Variants in SLC39A10 observed in about 807,000 individuals in gnomAD.
SLC39A10 encodes the protein solute carrier family 39 member 10.
Under a neutral mutation model 65.1 loss-of-function variants are expected in SLC39A10, and 13 were observed. That is an observed-to-expected ratio of 0.20 (90% confidence interval 0.13 to 0.32). SLC39A10 has a LOEUF of 0.32. Ranked by LOEUF, SLC39A10 falls within the 10% of genes least tolerant of loss-of-function variation. The pLI, the probability that SLC39A10 is intolerant of heterozygous loss-of-function variation, is 1.00. For synonymous variants in SLC39A10, 321 were observed against 342.2 expected (o/e 0.94, Z 0.68); for missense variants, 831 against 1,018.4 (o/e 0.82, Z 2.50).
At position 195,657,272 on chromosome 2, in the gene SLC39A10, C is replaced by T; in HGVS notation, c.-21C>T. The T allele has an allele frequency of 2.0e-6, 1 of 488,402 alleles. No individual in the cohort carries two copies. The highest frequency in any genetic ancestry group is 2.7e-6 in the Non-Finnish European group (1 of 375,832). The allele number at this position is 488,402 out of a possible 1,614,324, so 30.3% of individuals were successfully genotyped here. A position where few individuals can be genotyped will look rare whatever the true frequency, so the allele number is the denominator to read the frequency against. On this transcript the variant is annotated 5_prime_UTR_variant, in exon 1 of 10. Coordinates refer to ENST00000359634, the MANE Select transcript of SLC39A10 (RefSeq NM_020342.3). ...GCGGAGAGGAGATGCACACGGCACT[C>T]GAGTGTGAGGTAACTATAAAACCCC...
chr2:195,689,172 G>A (rs183150480), intron 3 of SLC39A10, among the ~76,000 whole-genome samples: 4 of 152,206 alleles, frequency 2.6e-5, no homozygotes, highest in African/African-American at 9.7e-5. Flanking sequence ...CACTTTGACA[G>A]TCTGAGGCAA....
chr2:195,627,273 C>A (rs1688493004), intron 2 of SLC39A10, among the ~76,000 whole-genome samples: 1 of 152,062 alleles, frequency 6.6e-6, no homozygotes, highest in African/African-American at 2.4e-5. Context: ...AATGACACCC[C>A]CACCCCGCGC....
chr2:195,728,214 C>T lies in SLC39A10; in HGVS notation c.2202C>T (p.Tyr734=). The T allele has an allele frequency of 6.2e-7, 1 of 1,613,962 alleles. No homozygotes were observed. The highest frequency in any genetic ancestry group is 1.1e-5 in the South Asian group (1 of 91,074). ...AGMTVKQAIV[Y]NLLSAMMAYI... is the part of the protein sequence containing the mutation. ...TGACTGTAAAGCAAGCAATTGTATA[C>T]AACCTCCTCTCTGCCATGATGGCTT... The change falls in exon 9 of 10, where the codon TAC becomes TAT. Residue 734 remains tyrosine, a synonymous_variant. Transcript: ENST00000359634. This position sits in a 1 kb window ranked among gnomAD's most constrained non-coding sequence, Gnocchi z 4.4.
rs761528084 is a variant in SLC39A10, at chr2:195,737,646, A to G, written c.*2605A>G. ...TCAACAGTGGTGTGTCATTTTATGT[A>G]TGTTCCTAATGCTTATGGAACTCCT... is the stretch of plus-strand genomic sequence containing the variant. On this transcript the variant is annotated 3_prime_UTR_variant, in exon 10 of 10. Transcript: ENST00000359634. The G allele has an allele frequency of 4.8e-5, 12 of 250,958 alleles. No homozygotes were observed. The highest frequency in any genetic ancestry group is 7.7e-5 in the Non-Finnish European group (10 of 130,024). The allele number at this position is 250,958 out of a possible 1,614,324, so 15.5% of individuals were successfully genotyped here. A position where few individuals can be genotyped will look rare whatever the true frequency, so the allele number is the denominator to read the frequency against.
At chr2:195,656,436 T>C (rs1574226370), upstream of SLC39A10, among the ~76,000 whole-genome samples, 1 of 152,234 alleles carries the variant, frequency 6.6e-6, no homozygotes, top group East Asian at 1.9e-4. Flanking sequence ...TTTTTTGTCA[T>C]AGAGTGTTAA....
intron 2 of SLC39A10, among the ~76,000 whole-genome samples, chr2:195,620,027 A>G (rs534495473): frequency 1.4e-3 from 210 of 152,266 alleles, no homozygotes; most frequent in African/African-American, 4.5e-3. Context: ...GGCTCAAGCG[A>G]TTCTCTTACC....
intron 1 of SLC39A10, among the ~76,000 whole-genome samples, chr2:195,677,813 G>A (rs915077705): frequency 1.4e-5 from 2 of 147,240 alleles, no homozygotes; most frequent in Admixed American, 6.9e-5. Flanking sequence ...GCAGTGGCAC[G>A]ATCAGGGCTC....
At chr2:195,675,395 T>G (rs1690041535) in intron 1 of SLC39A10, among the ~76,000 whole-genome samples, 1 of 152,184 alleles carries the variant, frequency 6.6e-6, no homozygotes, top group African/African-American at 2.4e-5. Flanking sequence ...TGTTCTGTTA[T>G]TGCAATAGTT....
intron 3 of SLC39A10, among the ~76,000 whole-genome samples, chr2:195,704,953 G>A (rs1237548400): frequency 1.3e-5 from 2 of 151,924 alleles, no homozygotes; most frequent in African/African-American, 2.4e-5. Flanking sequence ...ATGTACCACC[G>A]CGCTTGGCTA....
intron 5 of SLC39A10, among the ~76,000 whole-genome samples, chr2:195,710,440 AT>A (rs1196634021): frequency 6.6e-6 from 1 of 152,126 alleles, no homozygotes; most frequent in Non-Finnish European, 1.5e-5. Flanking sequence ...TTAAGATACA[AT>A]TTTATACTAT....
At chr2:195,673,303 C>T (rs1180226664) in intron 1 of SLC39A10, among the ~76,000 whole-genome samples, 1 of 152,112 alleles carries the variant, frequency 6.6e-6, no homozygotes, top group Non-Finnish European at 1.5e-5. Flanking sequence ...TGGCTTCTGA[C>T]ACGCCACCAT....
chr2:195,658,576 T>G (rs1054601527), intron 1 of SLC39A10: 2 of 152,216 alleles, frequency 1.3e-5, no homozygotes, highest in Non-Finnish European at 2.9e-5. Context: ...TGTACATAAT[T>G]AAGAAAAAGC....
At chr2:195,683,967 T>G in intron 3 of SLC39A10, 61 bp downstream of exon 3, 2 of 1,090,748 alleles carry the variant, frequency 1.8e-6, no homozygotes, top group South Asian at 3.1e-5. Context: ...TTTTAAACTA[T>G]AGTTGAATTA....
In SLC39A10 at chr2:195,684,724, G is replaced by C. The variant is rs375563300; in HGVS notation, c.1216+818G>C. ...CATCCACTCTGTCATAACAATTCTG[G>C]ATTTTCTTGGTTATTGGATTGTTGA... On this transcript the variant is annotated intron_variant, in intron 3 of 9. Transcript: ENST00000359634. 4.0e-5 allele frequency among the ~76,000 whole-genome samples: 6 copies of C among 151,774 alleles called. No homozygotes were observed. In the South Asian group the frequency reaches 6.2e-4, roughly 16 times the overall value.
upstream of SLC39A10, among the ~76,000 whole-genome samples, chr2:195,653,294 ATTT>A (rs71015715): frequency 1.3e-4 from 17 of 129,094 alleles, no homozygotes; most frequent in Admixed American, 2.3e-4. Flanking sequence ...CTGTGCCTGA[ATTT>A]TTTTTTTTTT....
At chr2:195,687,466 G>A (rs1483775004) in intron 3 of SLC39A10, among the ~76,000 whole-genome samples, 1 of 152,082 alleles carries the variant, frequency 6.6e-6, no homozygotes. Context: ...CTTGACTATA[G>A]CAATACTGAA....
intron 1 of SLC39A10, among the ~76,000 whole-genome samples, chr2:195,671,946 C>T (rs970947015): frequency 2.0e-5 from 3 of 151,808 alleles, no homozygotes; most frequent in African/African-American, 4.8e-5. Context: ...GCACTCAGAC[C>T]CGGAGCGGTC....
At chr2:195,688,547 A>G (rs1026975376) in intron 3 of SLC39A10, among the ~76,000 whole-genome samples, 5 of 152,194 alleles carry the variant, frequency 3.3e-5, no homozygotes, top group African/African-American at 1.2e-4. Flanking sequence ...AGAAAACTGA[A>G]GTTTTTTTAA....
intron 2 of SLC39A10, among the ~76,000 whole-genome samples, chr2:195,614,486 T>C (rs1246014778): frequency 6.6e-6 from 1 of 152,194 alleles, no homozygotes; most frequent in Non-Finnish European, 1.5e-5. Flanking sequence ...TAGAGAAGAA[T>C]TGCTCATCTG....
Sources: allele counts gnomAD v4.1 joint callset (sites outside exome capture counted in the v4.1 genomes callset), GRCh38; gene constraint gnomAD v4.1.1; non-coding constraint Gnocchi (gnomAD v3.1); transcripts MANE v1.5; gene names NCBI Gene and HGNC (gene_info 2026-07-23, HGNC 2026-07-21).